Variants in ATP6V1C1 observed in about 807,000 individuals in gnomAD.
ATP6V1C1 encodes the protein V-type proton ATPase subunit C 1.
In ATP6V1C1, 45 loss-of-function variants were observed where a neutral mutation model predicts 53.9. That is an observed-to-expected ratio of 0.83 (90% CI 0.66 to 1.07). The LOEUF is 1.07. Ranked by LOEUF, ATP6V1C1 falls within the 50% of genes least tolerant of loss-of-function variation. ATP6V1C1 has a pLI of 0.00. For missense variants in ATP6V1C1, 315 were observed against 440.3 expected, an observed-to-expected ratio of 0.72 and a Z score of 2.55; for synonymous variants, 153 against 155.2, an observed-to-expected ratio of 0.99 and a Z score of 0.11.
chr8:103,029,415 G>C (rs938838068), intron 1 of ATP6V1C1, among the ~76,000 whole-genome samples: 1 of 151,754 alleles, frequency 6.6e-6, no homozygotes, highest in Non-Finnish European at 1.5e-5. Flanking sequence ...GATTACAGAT[G>C]CGTGCCACCG....
rs1160942330 is a variant in ATP6V1C1 at position 103,069,531 on chromosome 8, A to G, written c.*784A>G. On this transcript the variant is annotated 3_prime_UTR_variant, in exon 13 of 13. Transcript: ENST00000518738. ...TTAGGTCTCTCAAATAATTAAGAAT[A>G]GAGCCAGTTTTGAATAAAGTCTAGC... 1 of 152,264 alleles carries G rather than the reference A, an allele frequency of 6.6e-6. No individual in the cohort carries two copies. The highest frequency in any genetic ancestry group is 1.5e-5 in the Non-Finnish European group (1 of 68,050). 9.4% of individuals were successfully genotyped at this position (152,264 alleles called of 1,614,324 possible).
At chr8:103,043,413 C>T (rs973792135) in intron 3 of ATP6V1C1, among the ~76,000 whole-genome samples, 11 of 152,080 alleles carry the variant, frequency 7.2e-5, no homozygotes, top group African/African-American at 2.7e-4. Context: ...ACCTCCACCT[C>T]CTGGGTTCAA....
intron 1 of ATP6V1C1, among the ~76,000 whole-genome samples, chr8:103,034,093 C>A (rs764090849): frequency 1.3e-5 from 2 of 152,148 alleles, no homozygotes; most frequent in Non-Finnish European, 2.9e-5. Context: ...TGGAGACATA[C>A]ATTTCAGAAA....
intron 11 of ATP6V1C1, 35 bp from the exon 12 acceptor site, chr8:103,066,286 T>C (rs16870018): frequency 0.081 from 127,447 of 1,576,486 alleles, 5,627 homozygotes; most frequent in East Asian, 0.12. Context: ...ACATGTTTGC[T>C]TGTATTGCGT....
In ATP6V1C1 at chr8:103,068,854, T is replaced by C; in HGVS notation, c.*107T>C. On this transcript the variant is annotated 3_prime_UTR_variant, in exon 13 of 13. Coordinates refer to ENST00000518738, the MANE Select transcript of ATP6V1C1 (RefSeq NM_001695.5). ...ACTCTAGTATCCTTTGCTTGCTTCT[T>C]ACGCCCTTTCCTAGGTGAATTCTCC... 1 of 873,698 alleles carries C rather than the reference T, an allele frequency of 1.1e-6. No homozygotes were observed. Among genetic ancestry groups the C allele is most frequent in the Non-Finnish European group, 1.7e-6 (1 of 602,406 alleles). The allele number at this position is 873,698 out of a possible 1,614,324, so 54.1% of individuals were successfully genotyped here.
rs1255841431 is a variant in ATP6V1C1 at position 103,072,347 on chromosome 8, G to A, written c.*3600G>A. 1 of 152,022 alleles carries A rather than the reference G, an allele frequency of 6.6e-6. No homozygotes were observed. 9.4% of individuals were successfully genotyped at this position (152,022 alleles called of 1,614,324 possible). ...TTTTTCTCCTTCATTCTCAGCTGTC[G>A]AAGAAATCAAAGTAGCATATGCACA... is the stretch of plus-strand genomic sequence containing the variant. On this transcript the variant is annotated 3_prime_UTR_variant, in exon 13 of 13. Coordinates refer to ENST00000518738, the MANE Select transcript of ATP6V1C1 (RefSeq NM_001695.5).
At chr8:103,031,058 A>C (rs1490406595) in intron 1 of ATP6V1C1, among the ~76,000 whole-genome samples, 2 of 152,236 alleles carry the variant, frequency 1.3e-5, no homozygotes, top group African/African-American at 4.8e-5. Context: ...ACAACAAAGT[A>C]CAACACTCTT....
rs567521117 is a variant in ATP6V1C1, at chr8:103,047,517, A to G, written c.201-1353A>G. Among the ~76,000 whole-genome samples, 16 of 149,124 alleles carry G rather than the reference A, an allele frequency of 1.1e-4. No homozygotes were observed. In the South Asian group the frequency reaches 3.4e-3, roughly 31 times the overall value. On this transcript the variant is annotated intron_variant, in intron 3 of 12. Coordinates refer to ENST00000518738, the MANE Select transcript of ATP6V1C1 (RefSeq NM_001695.5). ...ACAGGAATTTCTTAATTTGTCTTCCAGTTTCCCCTCCTAGCTGTTGAGCAT... is the reference window on the plus strand; with the variant it reads ...ACAGGAATTTCTTAATTTGTCTTCCGGTTTCCCCTCCTAGCTGTTGAGCAT...
Position 103,068,896 on chromosome 8 carries a change from T to G in ATP6V1C1, c.*149T>G, listed in dbSNP as rs974814532. The G allele has an allele frequency of 9.2e-6, 4 of 435,080 alleles. No homozygotes were observed. Among genetic ancestry groups the G allele is most frequent in the African/African-American group, 8.2e-5 (4 of 49,074 alleles). The allele number at this position is 435,080 out of a possible 1,614,324, so 27.0% of individuals were successfully genotyped here. ...GAATTCTCCCACAGTGGTCTGTATC[T>G]CAACATTTTCTTTTTAAAGGAAAAA... On this transcript the variant is annotated 3_prime_UTR_variant, in exon 13 of 13. Coordinates refer to ENST00000518738, the MANE Select transcript of ATP6V1C1 (RefSeq NM_001695.5).
intron 7 of ATP6V1C1, among the ~76,000 whole-genome samples, chr8:103,055,663 G>T (rs1817278226): frequency 6.6e-6 from 1 of 152,110 alleles, no homozygotes; most frequent in African/African-American, 2.4e-5. Context: ...ACTGGAGGTA[G>T]GGTGGTGATC....
intron 10 of ATP6V1C1, 65 bp downstream of exon 10, chr8:103,063,293 T>G: frequency 9.1e-7 from 1 of 1,095,142 alleles, no homozygotes; most frequent in Non-Finnish European, 1.3e-6. Context: ...TTGCTTTCCT[T>G]TGATTTAAAA....
intron 8 of ATP6V1C1, among the ~76,000 whole-genome samples, chr8:103,059,878 G>C (rs1468491257): frequency 1.5e-5 from 1 of 66,436 alleles, no homozygotes; most frequent in Non-Finnish European, 3.1e-5. Context: ...CCCCCAGCAC[G>C]CACACACACA....
chr8:103,022,655 T>A (rs1021492880), intron 1 of ATP6V1C1, among the ~76,000 whole-genome samples: 4 of 152,158 alleles, frequency 2.6e-5, no homozygotes, highest in African/African-American at 9.7e-5. Context: ...ATTAAAACAA[T>A]TTTATTTATA....
Position 103,053,865 on chromosome 8 carries a change from A to G in ATP6V1C1, c.474-19A>G. 6.4e-7 allele frequency: 1 copy of G among 1,566,014 alleles called. No homozygotes were observed. The highest frequency in any genetic ancestry group is 8.8e-7 in the Non-Finnish European group (1 of 1,139,080). On this transcript the variant is annotated intron_variant, in intron 6 of 12. Coordinates refer to ENST00000518738, the MANE Select transcript of ATP6V1C1 (RefSeq NM_001695.5). ...GAAGCACATAATTATCAGCCTAATG[A>G]TTTGTTTTAATTCCTCAGAGGAAGT...
At chr8:103,048,983 A>G in intron 4 of ATP6V1C1, 28 bp downstream of exon 4, 1 of 1,590,556 alleles carries the variant, frequency 6.3e-7, no homozygotes, top group South Asian at 1.1e-5. Context: ...ATTGATCATT[A>G]TTAACTCATA....
intron 3 of ATP6V1C1, among the ~76,000 whole-genome samples, chr8:103,042,829 T>A (rs1018387766): frequency 3.3e-5 from 5 of 152,206 alleles, no homozygotes; most frequent in African/African-American, 1.2e-4. Context: ...GTCTGGACAT[T>A]TCTTGTAAAT....
intron 4 of ATP6V1C1, among the ~76,000 whole-genome samples, chr8:103,049,536 C>T (rs1186440291): frequency 4.6e-5 from 7 of 152,170 alleles, no homozygotes; most frequent in Non-Finnish European, 8.8e-5. Context: ...ATGATTCTGA[C>T]CCCATTGTTG....
intron 6 of ATP6V1C1, among the ~76,000 whole-genome samples, chr8:103,053,484 A>G (rs1817235669): frequency 6.6e-6 from 1 of 151,984 alleles, no homozygotes; most frequent in South Asian, 2.1e-4. Context: ...AAAATTGCCT[A>G]GTATCAAATG....
At chr8:103,060,284 TC>T (rs1386294080) in intron 8 of ATP6V1C1, among the ~76,000 whole-genome samples, 1 of 152,314 alleles carries the variant, frequency 6.6e-6, no homozygotes, top group East Asian at 1.9e-4. Context: ...TATACTTATT[TC>T]TGGCAATTCC....
Sources: allele counts gnomAD v4.1 joint callset (sites outside exome capture counted in the v4.1 genomes callset), GRCh38; gene constraint gnomAD v4.1.1; transcripts MANE v1.5; gene names NCBI Gene and HGNC (gene_info 2026-07-23, HGNC 2026-07-21).